Variants in TENM2 observed in about 807,000 individuals in gnomAD.
The protein encoded by TENM2 is teneurin transmembrane protein 2, also known as teneurin-2.
Under a neutral mutation model 245.2 loss-of-function variants are expected in TENM2, and 52 were observed. That is an observed-to-expected ratio of 0.21 (90% CI 0.17 to 0.27). TENM2 has a LOEUF of 0.27. Among genes scored for constraint, TENM2 ranks in the 10% least tolerant of loss-of-function variants. The pLI is 1.00. For missense variants in TENM2, 3,046 were observed against 3,666.8 expected (o/e 0.83, Z 4.37); for synonymous variants, 1,363 against 1,438.9 (o/e 0.95, Z 1.19).
At chr5:168,064,226 G>C (rs180769680) in intron 7 of TENM2, among the ~76,000 whole-genome samples, 1 of 152,068 alleles carries the variant, frequency 6.6e-6, no homozygotes, top group African/African-American at 2.4e-5. Flanking sequence ...TGACCTTCAG[G>C]CTCCACTGAT....
At chr5:168,082,771 A>G (rs1404837172) in intron 7 of TENM2, among the ~76,000 whole-genome samples, 1 of 152,176 alleles carries the variant, frequency 6.6e-6, no homozygotes, top group Non-Finnish European at 1.5e-5. Context: ...AACAGCAAAT[A>G]TTGAAGAACA....
At chr5:167,264,399 C>A in the TENM2 span, among the ~76,000 whole-genome samples, 1 of 152,140 alleles carries the variant, frequency 6.6e-6, no homozygotes, top group Non-Finnish European at 1.5e-5. Context: ...ATGTGTTAGA[C>A]AAGATGGGGC....
the TENM2 span, among the ~76,000 whole-genome samples, chr5:167,056,819 C>G: frequency 6.6e-6 from 1 of 150,794 alleles, no homozygotes; most frequent in South Asian, 2.1e-4. Flanking sequence ...CTCCTATTTT[C>G]ATTTATCCTG....
intron 2 of TENM2, among the ~76,000 whole-genome samples, chr5:167,505,831 T>C (rs1169891284): frequency 1.3e-5 from 2 of 152,130 alleles, no homozygotes; most frequent in Non-Finnish European, 2.9e-5. Flanking sequence ...AAGAAAATAT[T>C]AAAGGGATCA....
chr5:168,062,443 A>G (rs544708628), intron 7 of TENM2, among the ~76,000 whole-genome samples, 178 bp downstream of exon 9: 22 of 152,238 alleles, frequency 1.4e-4, no homozygotes, highest in Admixed American at 4.6e-4. Context: ...GGAATGTGAA[A>G]TGGTGCAGCT....
intron 2 of TENM2, among the ~76,000 whole-genome samples, chr5:167,846,099 A>G (rs1042339669): frequency 4.6e-5 from 7 of 152,098 alleles, no homozygotes; most frequent in African/African-American, 1.4e-4. Context: ...CTGGGTTGCA[A>G]TGTCCCTGAA....
chr5:167,284,433 A>G (rs551274206), upstream of TENM2, among the ~76,000 whole-genome samples: 2 of 152,310 alleles, frequency 1.3e-5, no homozygotes, highest in South Asian at 2.1e-4. Flanking sequence ...GATAAGATCA[A>G]TTTGGCTTTG....
chr5:167,933,972 T>C (rs1778494285), intron 3 of TENM2, among the ~76,000 whole-genome samples: 1 of 152,166 alleles, frequency 6.6e-6, no homozygotes, highest in Admixed American at 6.5e-5. Context: ...AGTGTGAAAA[T>C]GAATTTGACA....
chr5:167,970,549 T>C (rs1324384500), intron 4 of TENM2, among the ~76,000 whole-genome samples: 2 of 152,156 alleles, frequency 1.3e-5, no homozygotes, highest in Non-Finnish European at 2.9e-5. Context: ...GAACTTTTGG[T>C]TTTGCTTTTT....
intron 2 of TENM2, among the ~76,000 whole-genome samples, chr5:167,438,622 C>T (rs1225433104): frequency 6.6e-6 from 1 of 152,154 alleles, no homozygotes; most frequent in Non-Finnish European, 1.5e-5. Flanking sequence ...TGGTCTCGAT[C>T]TCCTGACCTC....
At chr5:167,981,343 G>A (rs1003835118) in intron 4 of TENM2, among the ~76,000 whole-genome samples, 25 of 152,200 alleles carry the variant, frequency 1.6e-4, no homozygotes, top group Non-Finnish European at 3.4e-4. Flanking sequence ...GAGAAGTGAT[G>A]ACATCTGTAA....
chr5:167,203,716 G>A, the TENM2 span, among the ~76,000 whole-genome samples: 3 of 152,164 alleles, frequency 2.0e-5, no homozygotes, highest in South Asian at 2.1e-4. Flanking sequence ...GTAGCAAAAT[G>A]TTATTGGTGC....
chr5:167,023,087 C>G, the TENM2 span, among the ~76,000 whole-genome samples: 1 of 152,112 alleles, frequency 6.6e-6, no homozygotes, highest in Non-Finnish European at 1.5e-5. Context: ...CTTAAATGCT[C>G]CCTCCATCCC....
the TENM2 span, among the ~76,000 whole-genome samples, chr5:167,160,371 G>A: frequency 3.9e-5 from 6 of 152,304 alleles, no homozygotes; most frequent in South Asian, 2.1e-4. Flanking sequence ...CTCATGCCCC[G>A]CCTGCTGTGC....
the TENM2 span, among the ~76,000 whole-genome samples, chr5:167,094,306 T>G: frequency 6.6e-6 from 1 of 152,326 alleles, no homozygotes; most frequent in South Asian, 2.1e-4. Flanking sequence ...CAAAACTGCC[T>G]GTGCCCCCCA....
At chr5:167,350,790 T>TATATATATGGGATATATACATAC (rs1758831162) in intron 1 of TENM2, among the ~76,000 whole-genome samples, 1 of 65,242 alleles carries the variant, frequency 1.5e-5, no homozygotes, top group Non-Finnish European at 3.4e-5. Context: ...TATATACATA[T>TATATATATGGGATATATACATAC]GGATATATAT....
intron 9 of TENM2, among the ~76,000 whole-genome samples, chr5:168,109,348 A>G (rs938569919): frequency 1.3e-5 from 2 of 152,214 alleles, no homozygotes; most frequent in Non-Finnish European, 2.9e-5. Flanking sequence ...TTGAAGATCA[A>G]CTACATGCTG....
At chr5:167,176,728 G>C in the TENM2 span, among the ~76,000 whole-genome samples, 1 of 152,060 alleles carries the variant, frequency 6.6e-6, no homozygotes, top group Non-Finnish European at 1.5e-5. Context: ...GCTCATAATT[G>C]TATCTTCCAT....
intron 2 of TENM2, among the ~76,000 whole-genome samples, chr5:167,591,071 G>C (rs1306928104): frequency 6.6e-6 from 1 of 152,158 alleles, no homozygotes; most frequent in East Asian, 1.9e-4. Flanking sequence ...CACTAAGCAA[G>C]CAAGAGAGTT....
Sources: allele counts gnomAD v4.1 joint callset (sites outside exome capture counted in the v4.1 genomes callset), GRCh38; gene constraint gnomAD v4.1.1; transcripts MANE v1.5; gene names NCBI Gene and HGNC (gene_info 2026-07-23, HGNC 2026-07-21).